Variants in SPSB1 observed in about 807,000 individuals in gnomAD.
The protein encoded by SPSB1 is SPRY domain-containing SOCS box protein 1.
SPSB1 carries 8 observed loss-of-function variants against 21.2 expected under a neutral mutation model. The ratio of observed to expected loss-of-function variants is 0.38; its 90% CI spans 0.22 to 0.68. The LOEUF is 0.68. Ranked by LOEUF, SPSB1 falls within the 30% of genes least tolerant of loss-of-function variation. The probability of loss-of-function intolerance (pLI) is 0.53; values close to 1 mark genes in which losing one functional copy is unlikely to be tolerated. For synonymous variants in SPSB1, 169 were observed against 161.7 expected, an observed-to-expected ratio of 1.05 and a Z score of -0.34; for missense variants, 242 against 377.8, an observed-to-expected ratio of 0.64 and a Z score of 2.98.
At chr1:9,325,469 T>A (rs1052929760) in intron 1 of SPSB1, among the ~76,000 whole-genome samples, 4 of 152,170 alleles carry the variant, frequency 2.6e-5, no homozygotes, top group Non-Finnish European at 5.9e-5. Flanking sequence ...CCTGCCCACC[T>A]CTTCAGGAAG....
At chr1:9,302,592 T>G (rs1639352477) in intron 1 of SPSB1, among the ~76,000 whole-genome samples, 1 of 152,222 alleles carries the variant, frequency 6.6e-6, no homozygotes, top group Non-Finnish European at 1.5e-5. Context: ...CTCTGGCCTT[T>G]GGACTCTGGG....
At chr1:9,295,380 G>A (rs1328734850) in intron 1 of SPSB1, among the ~76,000 whole-genome samples, 1 of 152,180 alleles carries the variant, frequency 6.6e-6, no homozygotes, top group East Asian at 1.9e-4. Flanking sequence ...AGACAGCCCC[G>A]AGCAGGGAGC....
In SPSB1 at chr1:9,293,624, CCGGAGCCGCCG is replaced by C. The variant is rs1456210895; in HGVS notation, c.-150+557_-150+567del. Among the ~76,000 whole-genome samples, 2 of 152,136 alleles carry C rather than the reference CCGGAGCCGCCG, an allele frequency of 1.3e-5. No individual in the cohort carries two copies. The highest frequency in any genetic ancestry group is 4.8e-5 in the African/African-American group (2 of 41,440). On this transcript the variant is annotated intron_variant, in intron 1 of 2. Transcript: ENST00000328089. This position sits in a 1 kb window ranked among gnomAD's most constrained non-coding sequence, Gnocchi z 5.1. ...CCCGAGCGCCGCCCTCCCCGCCGCC[CCGGAGCCGCCG>C]CGGCTTCTCCCAGCAGCGGAGGGAG...
At chr1:9,339,093 G>C (rs1640049800) in intron 1 of SPSB1, among the ~76,000 whole-genome samples, 1 of 152,168 alleles carries the variant, frequency 6.6e-6, no homozygotes, top group Non-Finnish European at 1.5e-5. Context: ...CTCCGGCCAG[G>C]GCTGATCCAG....
rs534214946 is a variant in SPSB1 at position 9,354,196 on chromosome 1, C to T, written c.-149-1547C>T. 7.2e-5 allele frequency among the ~76,000 whole-genome samples: 11 copies of T among 152,290 alleles called. No individual in the cohort carries two copies. In the South Asian group the frequency reaches 1.0e-3, roughly 14 times the overall value. ...CAGCCCTCTGAGGTCCCTGGATTTC[C>T]GTGTGTCTGGGAGCCTGCAGCCTCC... On this transcript the variant is annotated intron_variant, in intron 1 of 2. Coordinates refer to ENST00000328089, the MANE Select transcript of SPSB1 (RefSeq NM_025106.4).
At chr1:9,342,090 T>G in intron 1 of SPSB1, among the ~76,000 whole-genome samples, 1 of 152,334 alleles carries the variant, frequency 6.6e-6, no homozygotes, top group East Asian at 1.9e-4. Flanking sequence ...CATTCTAACC[T>G]GTCTTAGGGG....
intron 1 of SPSB1, among the ~76,000 whole-genome samples, chr1:9,352,721 A>C (rs1277554852): frequency 2.0e-5 from 3 of 147,618 alleles, no homozygotes; most frequent in Non-Finnish European, 3.0e-5. Context: ...CAACCCTCTG[A>C]GGTGTTACTC....
At chr1:9,347,523 C>T (rs1640182058) in intron 1 of SPSB1, among the ~76,000 whole-genome samples, 1 of 152,226 alleles carries the variant, frequency 6.6e-6, no homozygotes, top group Admixed American at 6.5e-5. Flanking sequence ...TCTGTACCTA[C>T]AAACATAAAT....
At chr1:9,311,160 G>GT (rs34507567) in intron 1 of SPSB1, among the ~76,000 whole-genome samples, 181 of 133,550 alleles carry the variant, frequency 1.4e-3, no homozygotes, top group East Asian at 2.8e-3. Context: ...AGGATAAAGG[G>GT]TTTTTTTTTT....
intron 1 of SPSB1, among the ~76,000 whole-genome samples, chr1:9,296,383 T>G (rs1267274765): frequency 6.6e-6 from 1 of 152,230 alleles, no homozygotes; most frequent in East Asian, 1.9e-4. Context: ...CCAGTAAGTT[T>G]GTCACCTCCA....
chr1:9,314,175 C>A (rs559208946), intron 1 of SPSB1, among the ~76,000 whole-genome samples: 37 of 138,752 alleles, frequency 2.7e-4, no homozygotes, highest in Admixed American at 6.4e-4. Context: ...GACTCTATCT[C>A]AAAAAAAAAA....
rs372895383 is a variant in SPSB1, at chr1:9,356,626, A to G, written c.694+41A>G. The G allele has an allele frequency of 1.8e-5, 28 of 1,551,844 alleles. No individual in the cohort carries two copies. The highest frequency in any genetic ancestry group is 1.7e-4 in the Middle Eastern group (1 of 5,764). On this transcript the variant is annotated intron_variant, in intron 2 of 2. Transcript: ENST00000328089. The surrounding 1 kb of genome is among the most constrained non-coding windows in gnomAD (Gnocchi z 7.4). ...GCTGTCAGAGGCAATGCCCTCCCTC[A>G]GTCCCCATGGTCCTGGCTGGGCTCA... is the stretch of plus-strand genomic sequence containing the variant.
chr1:9,361,156 C>A (rs141528780), intron 2 of SPSB1, among the ~76,000 whole-genome samples: 1 of 102,574 alleles, frequency 9.7e-6, no homozygotes, highest in Non-Finnish European at 1.9e-5. Flanking sequence ...CTGTCATTTT[C>A]TTTTTTTTTT....
At position 9,324,493 on chromosome 1, in the gene SPSB1, C is replaced by T. The variant is rs865999931; in HGVS notation, c.-149-31250C>T. Among the ~76,000 whole-genome samples the T allele has an allele frequency of 1.6e-5, 2 of 121,434 alleles. No homozygotes were observed. Among genetic ancestry groups the T allele is most frequent in the South Asian group, 2.8e-4 (1 of 3,520 alleles). The allele number at this position is 121,434 out of a possible 152,430, so 79.7% of individuals were successfully genotyped here. A position where few individuals can be genotyped will look rare whatever the true frequency, so the allele number is the denominator to read the frequency against. ...TCTCTGTGCCCAGCCTCTGGAGGGT[C>T]GGCTCGGAGGGCTGTGGGCCCGGGA... On this transcript the variant is annotated intron_variant, in intron 1 of 2. Transcript: ENST00000328089. The surrounding 1 kb of genome is among the most constrained non-coding windows in gnomAD (Gnocchi z 4.3).
chr1:9,359,633 T>A (rs1569659427), intron 2 of SPSB1, among the ~76,000 whole-genome samples: 1 of 138,676 alleles, frequency 7.2e-6, no homozygotes, highest in African/African-American at 2.7e-5. Flanking sequence ...ACCCGGGAGG[T>A]GGAGGTTGCA....
chr1:9,323,232 C>T (rs1181616797), intron 1 of SPSB1, among the ~76,000 whole-genome samples: 1 of 152,206 alleles, frequency 6.6e-6, no homozygotes, highest in East Asian at 1.9e-4. Flanking sequence ...GCTGGGCTGG[C>T]GGCTTTGAGC....
intron 1 of SPSB1, among the ~76,000 whole-genome samples, chr1:9,296,436 A>G (rs1639226915): frequency 6.6e-6 from 1 of 152,180 alleles, no homozygotes; most frequent in Non-Finnish European, 1.5e-5. Context: ...TCATTTTTTT[A>G]GTGAAATTTT....
chr1:9,329,510 C>T (rs889834749), intron 1 of SPSB1, among the ~76,000 whole-genome samples: 3 of 151,718 alleles, frequency 2.0e-5, no homozygotes, highest in Admixed American at 1.3e-4. Flanking sequence ...ACAGCCTGGC[C>T]AACACAATGA....
At chr1:9,352,663 C>G (rs974405960) in intron 1 of SPSB1, among the ~76,000 whole-genome samples, 4 of 151,972 alleles carry the variant, frequency 2.6e-5, no homozygotes, top group South Asian at 2.1e-4. Context: ...TCTGCCTCCC[C>G]CTCCTTCCCC....
Sources: gnomAD v4.1 joint callset for allele counts (sites outside exome capture counted in the v4.1 genomes callset) on GRCh38, gnomAD v4.1.1 for gene constraint, Gnocchi (gnomAD v3.1) non-coding constraint, MANE v1.5 for transcripts, NCBI Gene and HGNC (gene_info 2026-07-23, HGNC 2026-07-21) for gene names.